Variants in PTPRM observed in about 807,000 individuals in gnomAD.
PTPRM encodes receptor-type tyrosine-protein phosphatase mu.
A neutral mutation model predicts 186.7 loss-of-function variants in PTPRM; 47 were observed. The observed-to-expected ratio is 0.25, with a 90% CI of 0.20 to 0.32. The LOEUF is 0.32. PTPRM is among the 10% of genes least tolerant of loss of function. PTPRM has a pLI of 1.00. For missense variants in PTPRM, 1,494 were observed against 1,865.0 expected (o/e 0.80, Z 3.66); for synonymous variants, 668 against 674.9 (o/e 0.99, Z 0.16).
chr18:8,312,166 C>T (rs1314535828), intron 20 of PTPRM, among the ~76,000 whole-genome samples: 1 of 152,176 alleles, frequency 6.6e-6, no homozygotes, highest in Non-Finnish European at 1.5e-5. Flanking sequence ...GTGCATCTTT[C>T]ATTCTTGAAG....
intron 2 of PTPRM, among the ~76,000 whole-genome samples, chr18:7,887,410 A>G (rs2048843796): frequency 6.6e-6 from 1 of 152,150 alleles, no homozygotes; most frequent in African/African-American, 2.4e-5. Flanking sequence ...TGCCTAAGTC[A>G]TCACCTTGTT....
chr18:7,634,709 C>G (rs1384291973), intron 1 of PTPRM, among the ~76,000 whole-genome samples: 3 of 152,144 alleles, frequency 2.0e-5, no homozygotes, highest in Non-Finnish European at 4.4e-5. Flanking sequence ...CGATGGATTT[C>G]TTTTCATTTC....
intron 7 of PTPRM, among the ~76,000 whole-genome samples, chr18:8,033,317 A>G (rs2148080752): frequency 6.6e-6 from 1 of 152,082 alleles, no homozygotes; most frequent in Admixed American, 6.5e-5. Flanking sequence ...ATACATATGT[A>G]CTATACATAC....
intron 1 of PTPRM, among the ~76,000 whole-genome samples, chr18:7,665,986 C>T (rs567734681): frequency 1.1e-4 from 17 of 152,058 alleles, no homozygotes; most frequent in Non-Finnish European, 2.1e-4. Context: ...CAAATTTCCT[C>T]TCAAACAGTA....
intron 7 of PTPRM, among the ~76,000 whole-genome samples, chr18:8,055,509 T>G (rs915821202): frequency 6.6e-6 from 1 of 152,240 alleles, no homozygotes; most frequent in Non-Finnish European, 1.5e-5. Flanking sequence ...TAGCTGTTTT[T>G]AAAATTGGTC....
At position 8,289,547 on chromosome 18, in the gene PTPRM, T is replaced by TAC. The variant is rs1568674811; in HGVS notation, c.2755-6820_2755-6819insCA. ...ATACATATATATACACATATATATA[T>TAC]ATACATATATATACACATATATATA... On this transcript the variant is annotated intron_variant, in intron 19 of 32. Transcript: ENST00000580170. Among the ~76,000 whole-genome samples the TAC allele has an allele frequency of 2.5e-3, 267 of 106,638 alleles. 16 individuals are homozygous for TAC. Among genetic ancestry groups the TAC allele is most frequent in the African/African-American group, 0.011 (242 of 21,474 alleles). The allele number at this position is 106,638 out of a possible 152,430, so 70.0% of individuals were successfully genotyped here.
intron 13 of PTPRM, among the ~76,000 whole-genome samples, chr18:8,134,575 T>C (rs1436435941): frequency 6.6e-6 from 1 of 152,228 alleles, no homozygotes; most frequent in Non-Finnish European, 1.5e-5. Flanking sequence ...TCCAGGATTA[T>C]GTGCATGCCA....
At chr18:8,003,402 A>G (rs4798607) in intron 7 of PTPRM, among the ~76,000 whole-genome samples, 99,068 of 152,056 alleles carry the variant, frequency 0.65, 32,624 homozygotes, top group African/African-American at 0.74. Flanking sequence ...TCTTGGGTAT[A>G]TGTTTATTAG....
At chr18:7,921,219 A>G (rs1020331078) in intron 4 of PTPRM, among the ~76,000 whole-genome samples, 2 of 151,856 alleles carry the variant, frequency 1.3e-5, no homozygotes, top group African/African-American at 4.8e-5. Context: ...ATAATTCTTA[A>G]ATTTGATATT....
chr18:7,934,812 G>A (rs1020611526), intron 5 of PTPRM, among the ~76,000 whole-genome samples: 8 of 152,150 alleles, frequency 5.3e-5, no homozygotes, highest in Admixed American at 2.6e-4. Flanking sequence ...AACCCAGGCC[G>A]TCTATGTTGT....
rs542162863 is a variant in PTPRM, at chr18:8,281,598, G to A, written c.2755-14770G>A. 4.9e-4 allele frequency among the ~76,000 whole-genome samples: 75 copies of A among 152,202 alleles called. No individual in the cohort carries two copies. In the South Asian group the frequency reaches 7.5e-3, roughly 15 times the overall value. ...AGCTTCTTTTGCCTCAACTCTTTCCGCAACCCTGACCTTTCTCTAGTGGAT... is the reference window on the plus strand; with the variant it reads ...AGCTTCTTTTGCCTCAACTCTTTCCACAACCCTGACCTTTCTCTAGTGGAT... On this transcript the variant is annotated intron_variant, in intron 19 of 32. Transcript: ENST00000580170.
At chr18:7,827,568 C>A (rs749551864) in intron 2 of PTPRM, among the ~76,000 whole-genome samples, 9 of 152,196 alleles carry the variant, frequency 5.9e-5, no homozygotes, top group Admixed American at 4.6e-4. Context: ...ATAATGTTTG[C>A]ATCTTTCTGT....
At chr18:7,621,963 A>T (rs373770061) in intron 1 of PTPRM, among the ~76,000 whole-genome samples, 3 of 152,284 alleles carry the variant, frequency 2.0e-5, no homozygotes, top group East Asian at 3.9e-4. Flanking sequence ...TAAGTTTTCA[A>T]CTCCATTGGA....
intron 1 of PTPRM, among the ~76,000 whole-genome samples, chr18:7,652,965 C>T (rs1011899127): frequency 6.6e-6 from 1 of 151,530 alleles, no homozygotes; most frequent in African/African-American, 2.4e-5. Context: ...TAAAATTCAA[C>T]AATAAGAAAA....
chr18:8,285,827 A>G (rs755362689), intron 19 of PTPRM, among the ~76,000 whole-genome samples: 8 of 152,100 alleles, frequency 5.3e-5, no homozygotes, highest in Non-Finnish European at 1.2e-4. Context: ...ACCCGTGTCT[A>G]TAAAAAATAC....
intron 14 of PTPRM, among the ~76,000 whole-genome samples, chr18:8,228,497 ATGTGTATATGTG>A (rs2094243003): frequency 6.6e-6 from 1 of 152,116 alleles, no homozygotes; most frequent in Non-Finnish European, 1.5e-5. Context: ...GTTTTAAAAT[ATGTGTATATGTG>A]TGTGTATATG....
intron 14 of PTPRM, among the ~76,000 whole-genome samples, chr18:8,161,204 T>C (rs2093223037): frequency 6.6e-6 from 1 of 152,198 alleles, no homozygotes; most frequent in African/African-American, 2.4e-5. Flanking sequence ...TGTTGGCTCC[T>C]TGGGGGACAC....
chr18:8,247,842 C>T lies in PTPRM; in HGVS notation c.2453-3C>T, dbSNP rs1156988171. 6.3e-6 allele frequency: 10 copies of T among 1,588,892 alleles called. No homozygotes were observed. Among genetic ancestry groups the T allele is most frequent in the South Asian group, 1.1e-5 (1 of 90,570 alleles). On this transcript the variant is annotated splice_region_variant and splice_polypyrimidine_tract_variant and intron_variant, in intron 15 of 32. Transcript: ENST00000580170. ...CCCTGACCAGCCTCTCTTTTATTTACAGCTGTGTCTTCACCATCGTCCTTC... is the reference window on the plus strand; with the variant it reads ...CCCTGACCAGCCTCTCTTTTATTTATAGCTGTGTCTTCACCATCGTCCTTC...
At chr18:8,368,850 G>A (rs994788556) in intron 23 of PTPRM, among the ~76,000 whole-genome samples, 10 of 152,204 alleles carry the variant, frequency 6.6e-5, no homozygotes, top group Non-Finnish European at 1.2e-4. Context: ...GCGATCAGGT[G>A]TTGCAGGGTT....
Sources: gnomAD v4.1 joint callset for allele counts (sites outside exome capture counted in the v4.1 genomes callset) on GRCh38, gnomAD v4.1.1 for gene constraint, MANE v1.5 for transcripts, NCBI Gene and HGNC (gene_info 2026-07-23, HGNC 2026-07-21) for gene names.